KCNK2: variants seen among roughly 807,000 people sequenced by gnomAD.
KCNK2 encodes the protein potassium channel subfamily K member 2.
Under a neutral mutation model 40.5 loss-of-function variants are expected in KCNK2, and 21 were observed. The ratio of observed to expected loss-of-function variants is 0.52; its 90% CI spans 0.37 to 0.75. The LOEUF (loss-of-function observed/expected upper bound fraction) is 0.75, where lower values mean the gene tolerates loss of function less well. Among genes scored for constraint, KCNK2 ranks in the 30% least tolerant of loss-of-function variants. The pLI is 0.00. For synonymous variants in KCNK2, 191 were observed against 202.2 expected (o/e 0.94, Z 0.47); for missense variants, 399 against 531.6 (o/e 0.75, Z 2.45).
chr1:215,121,074 T>C (rs1484434933), intron 2 of KCNK2, among the ~76,000 whole-genome samples: 2 of 152,216 alleles, frequency 1.3e-5, no homozygotes, highest in Non-Finnish European at 2.9e-5. Context: ...CTGGAAAGAC[T>C]GTTCAGTCCA....
chr1:215,036,110 A>G (rs553828458), intron 1 of KCNK2, among the ~76,000 whole-genome samples: 4 of 149,464 alleles, frequency 2.7e-5, no homozygotes, highest in South Asian at 2.1e-4. Flanking sequence ...GCCTACTTCA[A>G]TGTTATGAAG....
At chr1:215,094,441 C>A (rs2102542672) in intron 2 of KCNK2, among the ~76,000 whole-genome samples, 1 of 152,154 alleles carries the variant, frequency 6.6e-6, no homozygotes, top group Non-Finnish European at 1.5e-5. Flanking sequence ...GTCAGTGCTG[C>A]AAAGGTGAGA....
At chr1:215,050,529 T>C (rs1657950296) in intron 1 of KCNK2, among the ~76,000 whole-genome samples, 1 of 151,924 alleles carries the variant, frequency 6.6e-6, no homozygotes, top group African/African-American at 2.4e-5. Flanking sequence ...AGGAACAGGA[T>C]GAAAGGGAGC....
In KCNK2 at chr1:215,083,237, C is replaced by CCCCCCTT; in HGVS notation, c.-149_-148insCCCCCTT. 2.5e-6 allele frequency: 4 copies of CCCCCCTT among 1,600,590 alleles called. No homozygotes were observed. The highest frequency in any genetic ancestry group is 3.4e-6 in the Non-Finnish European group (4 of 1,172,048). On this transcript the variant is annotated 5_prime_UTR_variant, in exon 1 of 7. Transcript: ENST00000444842. ...CCGCGTCCAGCCCCGCTCTCCCCAC[C>CCCCCCTT]TTGTAAAACAAAGCCGGGGAAAATG...
chr1:215,155,807 C>A (rs576475501), intron 3 of KCNK2, among the ~76,000 whole-genome samples: 1 of 152,290 alleles, frequency 6.6e-6, no homozygotes, highest in South Asian at 2.1e-4. Flanking sequence ...GCATGAACCA[C>A]CACGCCAGGC....
At chr1:215,143,262 G>A (rs1662266921) in intron 3 of KCNK2, among the ~76,000 whole-genome samples, 1 of 152,080 alleles carries the variant, frequency 6.6e-6, no homozygotes, top group Non-Finnish European at 1.5e-5. Flanking sequence ...GAAGTGTTTT[G>A]TATCCAAGGG....
intron 1 of KCNK2, among the ~76,000 whole-genome samples, chr1:215,046,334 AT>A (rs2102496276): frequency 6.6e-6 from 1 of 152,290 alleles, no homozygotes; most frequent in East Asian, 1.9e-4. Flanking sequence ...ATATATGTAT[AT>A]ATTCATGAAT....
chr1:215,172,381 A>G (rs1663754052), intron 5 of KCNK2, among the ~76,000 whole-genome samples, 198 bp downstream of exon 5: 1 of 152,140 alleles, frequency 6.6e-6, no homozygotes, highest in Non-Finnish European at 1.5e-5. Flanking sequence ...CAGCAGGGCC[A>G]TGATCCCTCT....
intron 2 of KCNK2, among the ~76,000 whole-genome samples, chr1:215,094,588 C>G (rs550963746): frequency 2.0e-4 from 30 of 152,094 alleles, no homozygotes; most frequent in African/African-American, 6.8e-4. Flanking sequence ...CACTCTCTGC[C>G]CATATGTTCA....
At chr1:215,168,158 A>C (rs986578753) in intron 3 of KCNK2, among the ~76,000 whole-genome samples, 5 of 152,234 alleles carry the variant, frequency 3.3e-5, no homozygotes, top group African/African-American at 1.2e-4. Context: ...CAAAAGCACA[A>C]TGAGATACCA....
chr1:215,083,252 C>T lies in KCNK2; in HGVS notation c.-134C>T. On this transcript the variant is annotated 5_prime_UTR_variant, in exon 1 of 7. Transcript: ENST00000444842. ...CTCTCCCCACCTTGTAAAACAAAGCCGGGGAAAATGCCTGCCCGTGCAGCT... is the reference window on the plus strand; with the variant it reads ...CTCTCCCCACCTTGTAAAACAAAGCTGGGGAAAATGCCTGCCCGTGCAGCT... The T allele has an allele frequency of 1.9e-6, 3 of 1,605,354 alleles. No individual in the cohort carries two copies. In the South Asian group the frequency reaches 3.3e-5, roughly 18 times the overall value.
chr1:215,009,065 C>A (rs1228806039), intron 1 of KCNK2, among the ~76,000 whole-genome samples: 1 of 152,030 alleles, frequency 6.6e-6, no homozygotes, highest in Non-Finnish European at 1.5e-5. Flanking sequence ...CCACTGTAGC[C>A]AACAAAGTCA....
At position 215,197,997 on chromosome 1, in the gene KCNK2, TCAAACAAACAAA is replaced by T. The variant is rs60003108; in HGVS notation, c.963+2917_963+2928del. Among the ~76,000 whole-genome samples the T allele has an allele frequency of 1.1e-4, 16 of 151,246 alleles. No individual in the cohort carries two copies. In the East Asian group the frequency reaches 3.1e-3, roughly 30 times the overall value. On this transcript the variant is annotated intron_variant, in intron 6 of 6. Transcript: ENST00000444842. The stretch of plus-strand genomic sequence containing the variant: ...CTGGGTAACAGAGCCAGACTTTGTC[TCAAACAAACAAA>T]CAAACAAACAAGCAAACAAACAAAA...
rs376084267 is a variant in KCNK2 at position 215,083,295 on chromosome 1, C to G, written c.-91C>G. ...GTGCAGCTCGGAGCGCGCAGCCCGT[C>G]TCTGAATAAGAAGTGAGTACAATGG... On this transcript the variant is annotated 5_prime_UTR_variant, in exon 1 of 7. Coordinates refer to ENST00000444842, the MANE Select transcript of KCNK2 (RefSeq NM_001017425.3). 6.2e-7 allele frequency: 1 copy of G among 1,609,826 alleles called. No homozygotes were observed. The highest frequency in any genetic ancestry group is 8.5e-7 in the Non-Finnish European group (1 of 1,177,874).
intron 3 of KCNK2, among the ~76,000 whole-genome samples, chr1:215,128,387 G>A (rs973413690): frequency 7.2e-5 from 11 of 152,194 alleles, no homozygotes; most frequent in Admixed American, 7.2e-4. Flanking sequence ...AATGTAAGAA[G>A]CTCCTGCTGG....
At chr1:215,191,886 C>G (rs1054618395) in intron 5 of KCNK2, among the ~76,000 whole-genome samples, 4 of 151,950 alleles carry the variant, frequency 2.6e-5, no homozygotes, top group Non-Finnish European at 5.9e-5. Flanking sequence ...GGCTGCATCT[C>G]AGAAGTCTGT....
intron 3 of KCNK2, among the ~76,000 whole-genome samples, chr1:215,135,151 G>T (rs181399865): frequency 6.6e-6 from 1 of 152,094 alleles, no homozygotes; most frequent in East Asian, 1.9e-4. Context: ...TGCTTATGCT[G>T]CTTAGAAGGA....
chr1:215,114,414 ACAGGTGT>A (rs1660831373), intron 2 of KCNK2, among the ~76,000 whole-genome samples: 1 of 152,174 alleles, frequency 6.6e-6, no homozygotes, highest in South Asian at 2.1e-4. Flanking sequence ...TAACTACTGG[ACAGGTGT>A]CAAAGGGTAG....
chr1:215,027,899 C>T (rs1357611312), intron 1 of KCNK2, among the ~76,000 whole-genome samples: 1 of 152,090 alleles, frequency 6.6e-6, no homozygotes, highest in African/African-American at 2.4e-5. Context: ...TTGAATTTCA[C>T]TAAATATGAT....
Sources: allele counts gnomAD v4.1 joint callset (sites outside exome capture counted in the v4.1 genomes callset), GRCh38; gene constraint gnomAD v4.1.1; transcripts MANE v1.5; gene names NCBI Gene and HGNC (gene_info 2026-07-23, HGNC 2026-07-21).